TSPAN6: variants seen among roughly 807,000 people sequenced by gnomAD.
TSPAN6 encodes the protein tetraspanin-6.
TSPAN6 carries 13 observed loss-of-function variants against 18.0 expected under a neutral mutation model. The observed-to-expected ratio is 0.72, with a 90% CI of 0.47 to 1.15. TSPAN6 has a LOEUF of 1.15. TSPAN6 is among the 50% of genes most tolerant of loss of function. The pLI is 0.00. For missense variants in TSPAN6, 186 were observed against 183.9 expected (o/e 1.01, Z -0.07); for synonymous variants, 82 against 67.0 (o/e 1.22, Z -1.09).
intron 3 of TSPAN6, among the ~76,000 whole-genome samples, chrX:100,634,864 A>C (rs1446816260): frequency 8.9e-6 from 1 of 111,952 alleles, no homozygotes; most frequent in African/African-American, 3.2e-5. Flanking sequence ...AGGCATAAGA[A>C]GGTTATCAAT....
intron 1 of TSPAN6, 184 bp downstream of exon 1, chrX:100,636,424 C>A (rs2083095826): frequency 5.0e-6 from 5 of 1,004,777 alleles, no homozygotes; most frequent in Non-Finnish European, 6.3e-6. Context: ...GACCCCAGCG[C>A]CGGCGAGATG....
At position 100,629,058 on chromosome X, in the gene TSPAN6, GTTATAC is replaced by G. The variant is rs2083042223; in HGVS notation, c.*962_*967del. The stretch of plus-strand genomic sequence containing the variant: ...GGAAAGCAGTATTTATTGTATAAGA[GTTATAC>G]TTATTAATCAAAGGCACAAACGAAA... On this transcript the variant is annotated 3_prime_UTR_variant, in exon 8 of 8. Transcript: ENST00000373020. 1 of 111,629 alleles carries G rather than the reference GTTATAC, an allele frequency of 9.0e-6. No individual in the cohort carries two copies. The highest frequency in any genetic ancestry group is 1.9e-5 in the Non-Finnish European group (1 of 53,163). 9.2% of individuals were successfully genotyped at this position (111,629 alleles called of 1,213,427 possible).
Position 100,628,147 on chromosome X carries a change from T to C in TSPAN6, c.*1879A>G, listed in dbSNP as rs990920920. The C allele has an allele frequency of 1.8e-5, 2 of 111,957 alleles. No individual in the cohort carries two copies. Among genetic ancestry groups the C allele is most frequent in the African/African-American group, 6.5e-5 (2 of 30,840 alleles). The allele number at this position is 111,957 out of a possible 1,213,427, so 9.2% of individuals were successfully genotyped here. The stretch of plus-strand genomic sequence containing the variant: ...TTTTTTAAAAACTCTAAATATAACC[T>C]TAAAACATTCTTCAAAACCACTGCA... On this transcript the variant is annotated 3_prime_UTR_variant, in exon 8 of 8. Coordinates refer to ENST00000373020, the MANE Select transcript of TSPAN6 (RefSeq NM_003270.4).
chrX:100,635,830 C>A, intron 1 of TSPAN6, 84 bp from the exon 2 acceptor site: 2 of 770,418 alleles, frequency 2.6e-6, no homozygotes, highest in Admixed American at 3.9e-5. Flanking sequence ...GTATTTAAGG[C>A]ACAATAGGTG....
At position 100,635,658 on chromosome X, in the gene TSPAN6, T is replaced by C. The variant is rs374431442; in HGVS notation, c.176A>G (p.Asn59Ser). Residue 59 changes from asparagine (N) to serine (S), a missense_variant, in exon 2 of 8, where the codon AAT becomes AGT. By Grantham distance (46) the Asn-to-Ser change is conservative. Transcript: ENST00000373020. The stretch of plus-strand genomic sequence containing the variant: ...AGTAGCAATGAGCACGAAGGGGACA[T>C]TGGTGGCCTTCTCATTTAAAAGAGA... ...YFSLLNEKAT[N>S]VPFVLIATGT... is the part of the protein sequence containing the mutation. 5.0e-6 allele frequency: 6 copies of C among 1,197,769 alleles called. No homozygotes were observed. Among genetic ancestry groups the C allele is most frequent in the African/African-American group, 3.5e-5 (2 of 57,049 alleles).
In TSPAN6 at chrX:100,635,241, A is replaced by C. The variant is rs761628915; in HGVS notation, c.288T>G (p.Phe96Leu). 8.4e-7 allele frequency: 1 copy of C among 1,191,930 alleles called. No individual in the cohort carries two copies. The highest frequency in any genetic ancestry group is 1.1e-6 in the Non-Finnish European group (1 of 882,249). Residue 96 changes from phenylalanine (F) to leucine (L), a missense_variant, in exon 3 of 8, where the codon TTT becomes TTG. Transcript: ENST00000373020. Reference protein sequence around the residue: ...SAWMLKLYAMFLTLVFLVELV... With the variant: ...SAWMLKLYAMLLTLVFLVELV... Reference sequence around the variant, plus strand: ...GTTCGACCAAAAAAACGAGAGTCAGAAACATTGCATACTGCAGGATAAGAA... The same window carrying C: ...GTTCGACCAAAAAAACGAGAGTCAGCAACATTGCATACTGCAGGATAAGAA...
At position 100,629,891 on chromosome X, in the gene TSPAN6, C is replaced by T; in HGVS notation, c.*135G>A. The T allele has an allele frequency of 1.8e-6, 1 of 550,701 alleles. No homozygotes were observed. Among genetic ancestry groups the T allele is most frequent in the Non-Finnish European group, 2.2e-6 (1 of 453,467 alleles). The allele number at this position is 550,701 out of a possible 1,213,427, so 45.4% of individuals were successfully genotyped here. A position where few individuals can be genotyped will look rare whatever the true frequency, so the allele number is the denominator to read the frequency against. ...AGGTCTACATACATCTTGATTGAAT[C>T]AACCTACTGGTGTAGTTTTTTGGTC... On this transcript the variant is annotated 3_prime_UTR_variant, in exon 8 of 8. Coordinates refer to ENST00000373020, the MANE Select transcript of TSPAN6 (RefSeq NM_003270.4).
Position 100,636,701 on chromosome X carries a change from C to T in TSPAN6, c.-7G>A. ...TCCGAGACGGGGACGCCATGACTAG[C>T]CCGAGACCCTGCACCACCGCACCGG... On this transcript the variant is annotated 5_prime_UTR_variant, in exon 1 of 8. Coordinates refer to ENST00000373020, the MANE Select transcript of TSPAN6 (RefSeq NM_003270.4). The T allele has an allele frequency of 9.2e-6, 11 of 1,198,022 alleles. No homozygotes were observed. The highest frequency in any genetic ancestry group is 1.2e-5 in the Non-Finnish European group (11 of 888,789).
rs201717228 is a variant in TSPAN6, at chrX:100,635,790, C to G, written c.88-44G>C. 1.0e-4 allele frequency: 101 copies of G among 990,815 alleles called. No individual in the cohort carries two copies. In the Admixed American group the frequency reaches 3.3e-3, roughly 32 times the overall value. The allele number at this position is 990,815 out of a possible 1,213,427, so 81.7% of individuals were successfully genotyped here. On this transcript the variant is annotated intron_variant, in intron 1 of 7. Coordinates refer to ENST00000373020, the MANE Select transcript of TSPAN6 (RefSeq NM_003270.4). ...AATACAAACAGTTACGCACTGTGTA[C>G]AGCAGCATCTTCAAATCACAACGCA...
intron 5 of TSPAN6, 50 bp from the exon 6 acceptor site, chrX:100,632,618 C>T: frequency 6.8e-6 from 6 of 880,613 alleles, no homozygotes; most frequent in Non-Finnish European, 9.8e-6. Flanking sequence ...GCAGCCTGTG[C>T]TTTTCTTTAT....
chrX:100,634,058 G>A, intron 3 of TSPAN6, 29 bp from the exon 4 acceptor site: 1 of 1,085,095 alleles, frequency 9.2e-7, no homozygotes, highest in Non-Finnish European at 1.3e-6. Flanking sequence ...ATGTCAGTAA[G>A]AAAATCCTCT....
At chrX:100,630,909 A>G in intron 6 of TSPAN6, 43 bp from the exon 7 acceptor site, 1 of 976,040 alleles carries the variant, frequency 1.0e-6, no homozygotes, top group Non-Finnish European at 1.5e-6. Flanking sequence ...TACACAAAAG[A>G]ACTTGAACAC....
chrX:100,629,951 G>A lies in TSPAN6; in HGVS notation c.*75C>T. The stretch of plus-strand genomic sequence containing the variant: ...GTAGTGTTGTCAGTTCTCCAGCCAA[G>A]CAACTTTCTAATTCACAGGGGGGAC... On this transcript the variant is annotated 3_prime_UTR_variant, in exon 8 of 8. Transcript: ENST00000373020. 1.3e-6 allele frequency: 1 copy of A among 751,613 alleles called. No individual in the cohort carries two copies. 61.9% of individuals were successfully genotyped at this position (751,613 alleles called of 1,213,427 possible).
chrX:100,631,502 G>A lies in TSPAN6; in HGVS notation c.670-636C>T, dbSNP rs56154397. 1.8e-5 allele frequency among the ~76,000 whole-genome samples: 2 copies of A among 111,485 alleles called. 1 individual carries two copies. The highest frequency in any genetic ancestry group is 1.9e-4 in the Admixed American group (2 of 10,478). On this transcript the variant is annotated intron_variant, in intron 6 of 7. Transcript: ENST00000373020. ...TCTAGTGTTTAATATAAAAAAAAAC[G>A]TTCAGAGCCACAAAACAAACTTCAT...
chrX:100,636,435 C>T lies in TSPAN6; in HGVS notation c.87+173G>A, dbSNP rs1015718984. On this transcript the variant is annotated intron_variant, in intron 1 of 7. Coordinates refer to ENST00000373020, the MANE Select transcript of TSPAN6 (RefSeq NM_003270.4). ...CTCCGACCCCAGCGCCGGCGAGATGCCTGAGCTCTTTGTTCGGGGCCCAGT... is the reference window on the plus strand; with the variant it reads ...CTCCGACCCCAGCGCCGGCGAGATGTCTGAGCTCTTTGTTCGGGGCCCAGT... The T allele has an allele frequency of 1.9e-4, 194 of 1,009,839 alleles. 3 individuals are homozygous for T. The East Asian group carries it at 7.3e-3, about 38-fold the overall frequency. 83.2% of individuals were successfully genotyped at this position (1,009,839 alleles called of 1,213,427 possible). A position where few individuals can be genotyped will look rare whatever the true frequency, so the allele number is the denominator to read the frequency against.
In TSPAN6 at chrX:100,634,957, G is replaced by A. The variant is rs56119810; in HGVS notation, c.351+221C>T. On this transcript the variant is annotated intron_variant, in intron 3 of 7. Coordinates refer to ENST00000373020, the MANE Select transcript of TSPAN6 (RefSeq NM_003270.4). ...AATAGGTATTTATACACAGAAAAAC[G>A]ACAGGGAATATAAGTAAGTAATTTT... Among the ~76,000 whole-genome samples the A allele has an allele frequency of 1.8e-3, 198 of 112,222 alleles. 1 individual carries two copies. Among genetic ancestry groups the A allele is most frequent in the Non-Finnish European group, 3.3e-3 (175 of 53,279 alleles).
intron 4 of TSPAN6, 110 bp from the exon 5 acceptor site, chrX:100,633,649 T>C (rs2083075212): frequency 1.2e-6 from 1 of 809,612 alleles, no homozygotes; most frequent in Non-Finnish European, 1.7e-6. Flanking sequence ...CTAATCTCAA[T>C]GATCTCTCTC....
Position 100,630,799 on chromosome X carries a change from T to C in TSPAN6, c.737A>G (p.Ter246=), listed in dbSNP as rs182715609. The C allele has an allele frequency of 5.8e-5, 70 of 1,209,132 alleles. No homozygotes were observed. In the Admixed American group the frequency reaches 1.5e-3, roughly 26 times the overall value. Residue 246 remains the stop codon, a stop_retained_variant, in exon 7 of 8, where the codon TAA becomes TGA. Transcript: ENST00000373020. ...AITNNQYEIV[*] is the part of the protein sequence containing the mutation. ...GAATAGGCCCACAGATACATTGGGT[T>C]ACACTATCTCATACTGGTTATTTGT...
chrX:100,633,725 G>C (rs1228400177), intron 4 of TSPAN6, among the ~76,000 whole-genome samples, 186 bp from the exon 5 acceptor site: 1 of 110,063 alleles, frequency 9.1e-6, no homozygotes, highest in Admixed American at 9.9e-5. Flanking sequence ...TTTTGTATTG[G>C]CCTTACTTTC....
Sources: allele counts gnomAD v4.1 joint callset (sites outside exome capture counted in the v4.1 genomes callset), GRCh38; gene constraint gnomAD v4.1.1; transcripts MANE v1.5; gene names NCBI Gene and HGNC (gene_info 2026-07-23, HGNC 2026-07-21).